NMNAT2: variants seen among roughly 807,000 people sequenced by gnomAD.
NMNAT2 encodes the protein nicotinamide/nicotinic acid mononucleotide adenylyltransferase 2.
NMNAT2 carries 11 observed loss-of-function variants against 41.6 expected under a neutral mutation model. The ratio of observed to expected loss-of-function variants is 0.26; its 90% CI spans 0.17 to 0.44. The LOEUF (loss-of-function observed/expected upper bound fraction) is 0.44. Among genes scored for constraint, NMNAT2 ranks in the 20% least tolerant of loss-of-function variants. The pLI is 1.00. For missense variants in NMNAT2, 288 were observed against 407.7 expected, an observed-to-expected ratio of 0.71 and a Z score of 2.53; for synonymous variants, 148 against 151.2, an observed-to-expected ratio of 0.98 and a Z score of 0.16.
intron 1 of NMNAT2, among the ~76,000 whole-genome samples, chr1:183,294,495 T>C (rs1014621371): frequency 2.6e-5 from 4 of 152,200 alleles, no homozygotes; most frequent in Admixed American, 6.5e-5. Flanking sequence ...CAATTCCTTT[T>C]AAGAATGTCA....
At chr1:183,293,674 G>A in intron 2 of NMNAT2, 31 bp downstream of exon 2, 1 of 1,503,512 alleles carries the variant, frequency 6.7e-7, no homozygotes, top group Non-Finnish European at 9.3e-7. Context: ...GACGGGGATT[G>A]AAGAGGAGAG....
chr1:183,384,706 T>C (rs1483749248), intron 1 of NMNAT2, among the ~76,000 whole-genome samples: 1 of 152,228 alleles, frequency 6.6e-6, no homozygotes, highest in Non-Finnish European at 1.5e-5. Context: ...AGTTCACATC[T>C]TTACTCAAAG....
chr1:183,407,599 A>G (rs1375373152), intron 1 of NMNAT2, among the ~76,000 whole-genome samples: 1 of 152,208 alleles, frequency 6.6e-6, no homozygotes, highest in South Asian at 2.1e-4. Context: ...AAACCATATG[A>G]CCTTGGCTAG....
chr1:183,395,070 A>G (rs1017525939), intron 1 of NMNAT2, among the ~76,000 whole-genome samples: 1 of 152,168 alleles, frequency 6.6e-6, no homozygotes, highest in Non-Finnish European at 1.5e-5. Context: ...TGGCCCAGGA[A>G]AGATATCATG....
chr1:183,253,664 A>G (rs573000316), intron 10 of NMNAT2, among the ~76,000 whole-genome samples: 1 of 152,112 alleles, frequency 6.6e-6, no homozygotes, highest in East Asian at 1.9e-4. Context: ...ATATTCCTAC[A>G]TATTTGCTGC....
At chr1:183,409,206 T>A (rs1344510988) in intron 1 of NMNAT2, among the ~76,000 whole-genome samples, 4 of 152,120 alleles carry the variant, frequency 2.6e-5, no homozygotes, top group Non-Finnish European at 1.5e-5. Context: ...TAAAAAAAAA[T>A]TAAATTAAAT....
chr1:183,248,959 T>C lies in NMNAT2; in HGVS notation c.*3682A>G, dbSNP rs925916467. Reference sequence around the variant, plus strand: ...CAGTTTGAGGAGAGTAGAATTGGGCTGGTAAGTACAAGTTTTTTCTCCCTG... The same window carrying C: ...CAGTTTGAGGAGAGTAGAATTGGGCCGGTAAGTACAAGTTTTTTCTCCCTG... On this transcript the variant is annotated 3_prime_UTR_variant, in exon 11 of 11. Transcript: ENST00000287713. 5.3e-5 allele frequency: 8 copies of C among 151,176 alleles called. No homozygotes were observed. The highest frequency in any genetic ancestry group is 1.5e-4 in the African/African-American group (6 of 40,978). The allele number at this position is 151,176 out of a possible 1,614,324, so 9.4% of individuals were successfully genotyped here.
At chr1:183,302,465 A>G (rs181247765) in intron 1 of NMNAT2, among the ~76,000 whole-genome samples, 2 of 152,164 alleles carry the variant, frequency 1.3e-5, no homozygotes, top group Admixed American at 1.3e-4. Context: ...TTGTCTTTTT[A>G]TTTTCTGTAT....
intron 1 of NMNAT2, among the ~76,000 whole-genome samples, chr1:183,375,325 T>C (rs1215902549): frequency 1.3e-5 from 2 of 152,264 alleles, no homozygotes; most frequent in African/African-American, 4.8e-5. Context: ...CCAGCCATAG[T>C]TTGGCTCTGG....
In NMNAT2 at chr1:183,268,658, G is replaced by A. The variant is rs116295309; in HGVS notation, c.652-7355C>T. Among the ~76,000 whole-genome samples the A allele has an allele frequency of 6.3e-3, 961 of 152,282 alleles. 18 individuals are homozygous for A. The highest frequency in any genetic ancestry group is 0.022 in the African/African-American group (914 of 41,550). On this transcript the variant is annotated intron_variant, in intron 8 of 10. Coordinates refer to ENST00000287713, the MANE Select transcript of NMNAT2 (RefSeq NM_015039.4). ...TATATGGTGAACTGGGCACTGTTCT[G>A]GTATTGGCAAATAAGACAGGCAAGT...
At chr1:183,262,499 A>G (rs1408225826) in intron 8 of NMNAT2, among the ~76,000 whole-genome samples, 1 of 152,192 alleles carries the variant, frequency 6.6e-6, no homozygotes, top group African/African-American at 2.4e-5. Flanking sequence ...TTACATTGTT[A>G]AAAATTATTT....
intron 10 of NMNAT2, among the ~76,000 whole-genome samples, chr1:183,254,092 G>A (rs914256827): frequency 6.6e-6 from 1 of 151,890 alleles, no homozygotes; most frequent in Non-Finnish European, 1.5e-5. Context: ...ATTTTCTTTG[G>A]GTATATACCC....
chr1:183,308,815 C>T (rs1179256489), intron 1 of NMNAT2, among the ~76,000 whole-genome samples: 1 of 152,078 alleles, frequency 6.6e-6, no homozygotes, highest in East Asian at 1.9e-4. Context: ...GGGAGATAAG[C>T]AAATGGCAAG....
At chr1:183,295,078 A>G (rs929929819) in intron 1 of NMNAT2, among the ~76,000 whole-genome samples, 4 of 152,210 alleles carry the variant, frequency 2.6e-5, no homozygotes, top group Admixed American at 6.5e-5. Context: ...ATCTTGGCTC[A>G]CTGCCACCTC....
intron 1 of NMNAT2, among the ~76,000 whole-genome samples, chr1:183,298,842 C>T (rs185329586): frequency 4.1e-4 from 63 of 152,238 alleles, no homozygotes; most frequent in African/African-American, 1.4e-3. Context: ...TGCTAATTCT[C>T]CCCAAAATGA....
At chr1:183,393,076 C>A (rs1001467066) in intron 1 of NMNAT2, among the ~76,000 whole-genome samples, 1 of 152,186 alleles carries the variant, frequency 6.6e-6, no homozygotes, top group Non-Finnish European at 1.5e-5. Context: ...AGCAAACTCA[C>A]AGAGAGCATC....
intron 2 of NMNAT2, among the ~76,000 whole-genome samples, 199 bp from the exon 3 acceptor site, chr1:183,293,056 G>T (rs1661585096): frequency 6.6e-6 from 1 of 152,332 alleles, no homozygotes; most frequent in East Asian, 1.9e-4. Context: ...CAAATAAAGG[G>T]TGTGTGGTAT....
At chr1:183,356,527 T>C (rs550898930) in intron 1 of NMNAT2, among the ~76,000 whole-genome samples, 5 of 152,370 alleles carry the variant, frequency 3.3e-5, no homozygotes, top group Admixed American at 6.5e-5. Context: ...TCTGTGCATC[T>C]GTCCTGGATC....
At chr1:183,344,679 G>A (rs1477535218) in intron 1 of NMNAT2, among the ~76,000 whole-genome samples, 1 of 152,144 alleles carries the variant, frequency 6.6e-6, no homozygotes, top group Non-Finnish European at 1.5e-5. Flanking sequence ...ATTGTAAGAT[G>A]TTTAGTAGCA....
Sources: gnomAD v4.1 joint callset for allele counts (sites outside exome capture counted in the v4.1 genomes callset) on GRCh38, gnomAD v4.1.1 for gene constraint, MANE v1.5 for transcripts, NCBI Gene and HGNC (gene_info 2026-07-23, HGNC 2026-07-21) for gene names.